Variants in NEK11 observed in about 807,000 individuals in gnomAD.
NEK11 encodes NIMA related kinase 11, also known as serine/threonine-protein kinase Nek11.
In NEK11, 72 loss-of-function variants were observed where a neutral mutation model predicts 80.7. That is an observed-to-expected ratio of 0.89 (90% CI 0.74 to 1.08). The LOEUF (loss-of-function observed/expected upper bound fraction) is 1.08, where lower values mean the gene tolerates loss of function less well. Ranked by LOEUF, NEK11 falls within the 50% of genes least tolerant of loss-of-function variation. NEK11 has a pLI of 0.00. For missense variants in NEK11, 764 were observed against 763.6 expected (o/e 1.00, Z -0.01); for synonymous variants, 251 against 260.7 (o/e 0.96, Z 0.36).
intron 17 of NEK11, among the ~76,000 whole-genome samples, chr3:131,311,428 C>G (rs1406593962): frequency 6.6e-6 from 1 of 152,116 alleles, no homozygotes; most frequent in African/African-American, 2.4e-5. Flanking sequence ...ACAAGAAAGC[C>G]CAAGACTTTT....
intron 17 of NEK11, 30 bp from the exon 18 acceptor site, chr3:131,349,527 C>T (rs2097422655): frequency 1.0e-5 from 16 of 1,575,280 alleles, no homozygotes; most frequent in Non-Finnish European, 1.3e-5. Context: ...ATGTGTAACT[C>T]TTTGTAATCT....
Position 131,080,321 on chromosome 3 carries a change from G to C in NEK11, c.171-102G>C, listed in dbSNP as rs531818067. 641 of 814,762 alleles carry C rather than the reference G, an allele frequency of 7.9e-4. 1 individual carries two copies. The highest frequency in any genetic ancestry group is 9.4e-4 in the Non-Finnish European group (496 of 528,802). 50.5% of individuals were successfully genotyped at this position (814,762 alleles called of 1,614,324 possible). A position where few individuals can be genotyped will look rare whatever the true frequency, so the allele number is the denominator to read the frequency against. Reference sequence around the variant, plus strand: ...ATAGGCAATACCAGATATATGAGTAGGTCACAACCTGGGCATTAATTAATG... The same window carrying C: ...ATAGGCAATACCAGATATATGAGTACGTCACAACCTGGGCATTAATTAATG... On this transcript the variant is annotated intron_variant, in intron 3 of 17. Transcript: ENST00000383366.
intron 17 of NEK11, among the ~76,000 whole-genome samples, chr3:131,280,095 A>G (rs912055473): frequency 4.6e-5 from 7 of 152,206 alleles, no homozygotes; most frequent in Non-Finnish European, 1.0e-4. Flanking sequence ...CAATAATGGA[A>G]AAGGCCTGAG....
chr3:131,286,658 T>C (rs1341946055), intron 17 of NEK11, among the ~76,000 whole-genome samples: 1 of 152,218 alleles, frequency 6.6e-6, no homozygotes, highest in African/African-American at 2.4e-5. Flanking sequence ...CATTGAGTTT[T>C]GCCTAATAGT....
chr3:131,037,116 T>C (rs951299272), intron 3 of NEK11, among the ~76,000 whole-genome samples: 24 of 152,162 alleles, frequency 1.6e-4, no homozygotes, highest in African/African-American at 4.8e-4. Flanking sequence ...AGCGATTTGA[T>C]GTGATGACTG....
At chr3:131,215,302 T>C (rs1452941516) in intron 14 of NEK11, among the ~76,000 whole-genome samples, 1 of 150,726 alleles carries the variant, frequency 6.6e-6, no homozygotes, top group Non-Finnish European at 1.5e-5. Context: ...AGGGATAGCA[T>C]TAGGAGATAT....
intron 16 of NEK11, among the ~76,000 whole-genome samples, chr3:131,262,106 A>C (rs1217175623): frequency 6.6e-6 from 1 of 152,192 alleles, no homozygotes; most frequent in East Asian, 1.9e-4. Context: ...CATTACTACT[A>C]ACCTTAAAGA....
chr3:131,214,093 G>A (rs2094729433), intron 14 of NEK11, among the ~76,000 whole-genome samples: 1 of 152,194 alleles, frequency 6.6e-6, no homozygotes, highest in African/African-American at 2.4e-5. Context: ...CTTGACCTTA[G>A]ACTTCCCAGC....
intron 7 of NEK11, among the ~76,000 whole-genome samples, chr3:131,146,171 G>T (rs2088202225): frequency 6.6e-6 from 1 of 151,964 alleles, no homozygotes; most frequent in Non-Finnish European, 1.5e-5. Context: ...GCCTATGTGG[G>T]GTGAGCATAA....
intron 14 of NEK11, among the ~76,000 whole-genome samples, chr3:131,203,661 CACAT>C (rs2094330609): frequency 1.4e-5 from 2 of 146,972 alleles, no homozygotes; most frequent in Non-Finnish European, 3.0e-5. Flanking sequence ...CACACACACA[CACAT>C]ATATAAAGTA....
At chr3:131,199,313 A>G (rs976830422) in intron 14 of NEK11, among the ~76,000 whole-genome samples, 13 of 152,270 alleles carry the variant, frequency 8.5e-5, no homozygotes, top group South Asian at 4.1e-4. Context: ...TTCATGAAGA[A>G]TCTCACAAAA....
intron 16 of NEK11, among the ~76,000 whole-genome samples, chr3:131,270,355 G>A (rs2096157316): frequency 6.6e-6 from 1 of 152,106 alleles, no homozygotes. Flanking sequence ...TATCACCTGG[G>A]AACATATGGA....
At chr3:131,258,959 C>T (rs2095864866) in intron 16 of NEK11, among the ~76,000 whole-genome samples, 1 of 152,128 alleles carries the variant, frequency 6.6e-6, no homozygotes, top group East Asian at 1.9e-4. Flanking sequence ...TGTAAATTTG[C>T]CTTGGGTCTT....
At chr3:131,039,636 A>G (rs1234628620) in intron 3 of NEK11, among the ~76,000 whole-genome samples, 4 of 152,172 alleles carry the variant, frequency 2.6e-5, no homozygotes, top group Non-Finnish European at 4.4e-5. Context: ...CCAGCACCCA[A>G]CTTTATACCT....
At chr3:131,098,178 G>A (rs927596284) in intron 4 of NEK11, among the ~76,000 whole-genome samples, 6 of 152,112 alleles carry the variant, frequency 3.9e-5, no homozygotes, top group African/African-American at 9.7e-5. Flanking sequence ...AGACTTAAAC[G>A]TTAGACCTAA....
intron 4 of NEK11, among the ~76,000 whole-genome samples, chr3:131,106,218 A>G (rs2079154519): frequency 6.6e-6 from 1 of 151,224 alleles, no homozygotes. Context: ...AACAGTCCCA[A>G]CTGTCTTTAG....
chr3:131,282,034 G>A (rs1017939364), intron 17 of NEK11, among the ~76,000 whole-genome samples: 1 of 152,178 alleles, frequency 6.6e-6, no homozygotes, highest in African/African-American at 2.4e-5. Context: ...ATCCAACACA[G>A]CTTTCCAGAA....
rs1373086503 is a variant in NEK11 at position 131,133,243 on chromosome 3, T to C, written c.520+434T>C. On this transcript the variant is annotated intron_variant, in intron 6 of 17. Coordinates refer to ENST00000383366, the MANE Select transcript of NEK11 (RefSeq NM_024800.5). ...TTGATATAATGGCTTTATTAACCTT[T>C]AGTTCTTCAGAACTGTACCTCTCCT... 1.1e-5 allele frequency: 5 copies of C among 455,370 alleles called. No homozygotes were observed. The East Asian group carries it at 3.5e-4, about 32-fold the overall frequency. The allele number at this position is 455,370 out of a possible 1,614,324, so 28.2% of individuals were successfully genotyped here. A position where few individuals can be genotyped will look rare whatever the true frequency, so the allele number is the denominator to read the frequency against.
chr3:131,289,312 A>G (rs942109493), intron 17 of NEK11, among the ~76,000 whole-genome samples: 4 of 152,336 alleles, frequency 2.6e-5, no homozygotes, highest in Admixed American at 2.0e-4. Flanking sequence ...TTTTAACTTA[A>G]TCACCTCTTT....
Sources: gnomAD v4.1 joint callset for allele counts (sites outside exome capture counted in the v4.1 genomes callset) on GRCh38, gnomAD v4.1.1 for gene constraint, MANE v1.5 for transcripts, NCBI Gene and HGNC (gene_info 2026-07-23, HGNC 2026-07-21) for gene names.